The following PSG9 variants were observed in gnomAD, a reference collection of about 807,000 sequenced individuals.
PSG9 encodes the protein pregnancy specific beta-1-glycoprotein 9, also known as pregnancy-specific beta-1-glycoprotein 9.
PSG9 carries 49 observed loss-of-function variants against 41.9 expected under a neutral mutation model. That is an observed-to-expected ratio of 1.17 (90% confidence interval 0.93 to 1.48). PSG9 has a LOEUF of 1.48. Among genes scored for constraint, PSG9 ranks in the 40% most tolerant of loss-of-function variants. PSG9 has a pLI of 0.00. For missense variants in PSG9, 641 were observed against 520.3 expected, an observed-to-expected ratio of 1.23 and a Z score of -2.26; for synonymous variants, 263 against 196.8, an observed-to-expected ratio of 1.34 and a Z score of -2.82.
chr19:43,259,692 A>C (rs528238635), intron 3 of PSG9: 1 of 152,724 alleles, frequency 6.5e-6, no homozygotes, highest in African/African-American at 2.6e-5. Flanking sequence ...CCTGGAGGTC[A>C]GTTCAGTCAT....
chr19:43,257,474 TG>T (rs1968485640), intron 5 of PSG9: 7 of 977,176 alleles, frequency 7.2e-6, no homozygotes, highest in Non-Finnish European at 8.5e-6. Context: ...TCCTCCGTGC[TG>T]TGTCCCACGT....
At chr19:43,257,611 G>A in intron 5 of PSG9, 1 of 994,508 alleles carries the variant, frequency 1.0e-6, no homozygotes, top group Non-Finnish European at 1.2e-6. Context: ...GCTTCAACTG[G>A]CAGCTCAATT....
chr19:43,258,494 C>G lies in PSG9; in HGVS notation c.989-38G>C, dbSNP rs201482023. The stretch of plus-strand genomic sequence containing the variant: ...GAATAAAGCCACACGTGATGTCATT[C>G]GAGGGAAGGGGATGTTCCTGGTCTC... On this transcript the variant is annotated intron_variant, in intron 4 of 5. Coordinates refer to ENST00000270077, the MANE Select transcript of PSG9 (RefSeq NM_002784.5). 1.7e-5 allele frequency: 26 copies of G among 1,528,196 alleles called. 6 individuals are homozygous for G. In the East Asian group the frequency reaches 6.5e-4, roughly 38 times the overall value. The allele number at this position is 1,528,196 out of a possible 1,614,324, so 94.7% of individuals were successfully genotyped here. A position where few individuals can be genotyped will look rare whatever the true frequency, so the allele number is the denominator to read the frequency against.
chr19:43,260,491 G>A (rs1241427142), intron 3 of PSG9: 3 of 148,148 alleles, frequency 2.0e-5, no homozygotes, highest in African/African-American at 7.6e-5. Context: ...AGATATTCTT[G>A]CCCTTTTTTT....
At chr19:43,257,652 C>A in intron 5 of PSG9, 3 of 1,035,972 alleles carry the variant, frequency 2.9e-6, no homozygotes, top group Non-Finnish European at 3.4e-6. Context: ...CACCAGGGCC[C>A]TTTCTACACA....
intron 2 of PSG9, among the ~76,000 whole-genome samples, chr19:43,267,189 C>T (rs1969009733): frequency 6.6e-6 from 1 of 152,272 alleles, no homozygotes; most frequent in Admixed American, 6.5e-5. Flanking sequence ...CCTCTCCACT[C>T]TGAGTGTCAG....
At chr19:43,269,091 G>A (rs1389676873) in intron 1 of PSG9, among the ~76,000 whole-genome samples, 3 of 151,668 alleles carry the variant, frequency 2.0e-5, no homozygotes, top group Non-Finnish European at 4.4e-5. Flanking sequence ...TGCAACTTCT[G>A]CCTCCCGGGT....
chr19:43,253,715 C>T (rs1968349196), intron 5 of PSG9, 69 bp from the exon 6 acceptor site: 22 of 938,262 alleles, frequency 2.3e-5, no homozygotes. Flanking sequence ...AAGCTTCTTT[C>T]CTACAGGCTC....
At chr19:43,262,725 GGCAGTTT>G (rs1968785480) in intron 2 of PSG9, among the ~76,000 whole-genome samples, 1 of 152,118 alleles carries the variant, frequency 6.6e-6, no homozygotes, top group Admixed American at 6.5e-5. Flanking sequence ...CACAAGGTGG[GGCAGTTT>G]GCAGTTTTCC....
chr19:43,258,890 G>T lies in PSG9; in HGVS notation c.955C>A (p.Leu319Ile), dbSNP rs1058281. ...QCEIRDRYGG[L>I]RSNPVILNVL... ...TTTAGGATGACTGGGTTACTGCGGA[G>T]GCCACCATATCGGTCCCGTATTTCA... is the stretch of plus-strand genomic sequence containing the variant. The change falls in exon 4 of 6, where the codon CTC becomes ATC. Residue 319 changes from leucine (L) to isoleucine (I), a missense_variant. Physicochemically the swap from Leu to Ile is conservative, Grantham distance 5. Coordinates refer to ENST00000270077, the MANE Select transcript of PSG9 (RefSeq NM_002784.5). The T allele has an allele frequency of 0.048, 73,779 of 1,530,460 alleles. 9,213 individuals are homozygous for T. The highest frequency in any genetic ancestry group is 0.093 in the Admixed American group (5,379 of 57,820). The allele number at this position is 1,530,460 out of a possible 1,614,324, so 94.8% of individuals were successfully genotyped here.
intron 2 of PSG9, among the ~76,000 whole-genome samples, chr19:43,265,095 C>A (rs1568418711): frequency 2.6e-5 from 4 of 152,118 alleles, no homozygotes; most frequent in African/African-American, 9.7e-5. Context: ...GGACATAGGT[C>A]AGGCTAACCT....
rs200948840 is a variant in PSG9 at position 43,262,107 on chromosome 19, G to A, written c.462C>T (p.Ser154=). 6.2e-7 allele frequency: 1 copy of A among 1,613,896 alleles called. No individual in the cohort carries two copies. The highest frequency in any genetic ancestry group is 1.3e-5 in the African/African-American group (1 of 74,994). Residue 154 remains serine (S), a synonymous_variant, in exon 3 of 6, where the codon AGC becomes AGT. Transcript: ENST00000270077. ...LETPKPYISS[S]NLNPREAMEA... is the part of the protein sequence containing the mutation. Reference sequence around the variant, plus strand: ...CCATGGCCTCCCTGGGGTTTAAGTTGCTGCTGGAGATGTAGGGCTTGGGAG... The same window carrying A: ...CCATGGCCTCCCTGGGGTTTAAGTTACTGCTGGAGATGTAGGGCTTGGGAG...
chr19:43,268,125 G>A lies in PSG9; in HGVS notation c.89C>T (p.Pro30Leu), dbSNP rs149447725. ...AATCGTGACTTCGGCAGTGGTGGGCGGGTTCCAGAAGTTTAAAAGTGATGC... is the reference window on the plus strand; with the variant it reads ...AATCGTGACTTCGGCAGTGGTGGGCAGGTTCCAGAAGTTTAAAAGTGATGC... The part of the protein sequence containing the change: ...LTASLLNFWN[P>L]PTTAEVTIEA... Residue 30 changes from proline (P) to leucine (L), a missense_variant, in exon 2 of 6, where the codon CCG becomes CTG. Coordinates refer to ENST00000270077, the MANE Select transcript of PSG9 (RefSeq NM_002784.5). 3.1e-5 allele frequency: 50 copies of A among 1,609,448 alleles called. No homozygotes were observed. Among genetic ancestry groups the A allele is most frequent in the African/African-American group, 1.6e-4 (12 of 74,686 alleles).
At position 43,268,009 on chromosome 19, in the gene PSG9, T is replaced by C; in HGVS notation, c.205A>G (p.Lys69Glu). The C allele has an allele frequency of 1.2e-6, 2 of 1,613,886 alleles. No individual in the cohort carries two copies. Among genetic ancestry groups the C allele is most frequent in the East Asian group, 2.2e-5 (1 of 44,866 alleles). Residue 69 changes from lysine (K) to glutamate (E), a missense_variant, in exon 2 of 6, where the codon AAA becomes GAA. Lys to Glu is a moderately conservative substitution (Grantham distance 56). Coordinates refer to ENST00000270077, the MANE Select transcript of PSG9 (RefSeq NM_002784.5). ...PQNLPGYFWYKGEMTDLYHYI... is the reference protein window; with the variant it reads ...PQNLPGYFWYEGEMTDLYHYI... Reference sequence around the variant, plus strand: ...TGGTAGAGGTCCGTCATTTCCCCTTTGTACCAGAAGTAGCCAGGAAGATTC... The same window carrying C: ...TGGTAGAGGTCCGTCATTTCCCCTTCGTACCAGAAGTAGCCAGGAAGATTC...
rs1968566456 is a variant in PSG9 at position 43,258,835 on chromosome 19, CAG to C, written c.988+20_988+21del. The C allele has an allele frequency of 6.3e-6, 10 of 1,585,696 alleles. 1 individual carries two copies. Among genetic ancestry groups the C allele is most frequent in the Middle Eastern group, 2.2e-4 (1 of 4,534 alleles). On this transcript the variant is annotated intron_variant, in intron 4 of 5. Transcript: ENST00000270077. ...GGACTTAAGCTGGTGTCCTGGCCCA[CAG>C]AGGAACAAAAGATACTCACAGAGGA...
At chr19:43,266,193 A>G (rs1280053896) in intron 2 of PSG9, among the ~76,000 whole-genome samples, 1 of 151,960 alleles carries the variant, frequency 6.6e-6, no homozygotes, top group Non-Finnish European at 1.5e-5. Context: ...TCCACAGTCC[A>G]GGACCAAGGA....
chr19:43,268,215 T>G, intron 1 of PSG9, 66 bp from the exon 2 acceptor site: 3 of 1,502,454 alleles, frequency 2.0e-6, no homozygotes, highest in African/African-American at 1.4e-5. Context: ...GATGGGGCCC[T>G]GGGTCCTGAG....
In PSG9 at chr19:43,258,493, T is replaced by C. The variant is rs759777044; in HGVS notation, c.989-37A>G. The C allele has an allele frequency of 2.4e-5, 37 of 1,529,234 alleles. 3 individuals are homozygous for C. Among genetic ancestry groups the C allele is most frequent in the African/African-American group, 5.9e-5 (4 of 68,326 alleles). 94.7% of individuals were successfully genotyped at this position (1,529,234 alleles called of 1,614,324 possible). ...AGAATAAAGCCACACGTGATGTCAT[T>C]CGAGGGAAGGGGATGTTCCTGGTCT... On this transcript the variant is annotated intron_variant, in intron 4 of 5. Coordinates refer to ENST00000270077, the MANE Select transcript of PSG9 (RefSeq NM_002784.5).
At chr19:43,266,565 G>A (rs910567029) in intron 2 of PSG9, among the ~76,000 whole-genome samples, 2 of 151,928 alleles carry the variant, frequency 1.3e-5, no homozygotes, top group African/African-American at 2.4e-5. Flanking sequence ...TCAGTGATGG[G>A]GGTTAAGATC....
Sources: allele counts gnomAD v4.1 joint callset (sites outside exome capture counted in the v4.1 genomes callset), GRCh38; gene constraint gnomAD v4.1.1; transcripts MANE v1.5; gene names NCBI Gene and HGNC (gene_info 2026-07-23, HGNC 2026-07-21).